The following SLC25A26 variants were observed in gnomAD, a reference collection of about 807,000 sequenced individuals.
SLC25A26 encodes the protein solute carrier family 25 member 26.
SLC25A26 carries 36 observed loss-of-function variants against 37.8 expected under a neutral mutation model. The ratio of observed to expected loss-of-function variants is 0.95; its 90% confidence interval spans 0.73 to 1.26. The LOEUF (loss-of-function observed/expected upper bound fraction) is 1.26, where lower values mean the gene tolerates loss of function less well. Among genes scored for constraint, SLC25A26 ranks in the 50% most tolerant of loss-of-function variants. The pLI, the probability that SLC25A26 is intolerant of heterozygous loss-of-function variation, is 0.00. For synonymous variants in SLC25A26, 129 were observed against 122.5 expected, an observed-to-expected ratio of 1.05 and a Z score of -0.35; for missense variants, 390 against 331.1, an observed-to-expected ratio of 1.18 and a Z score of -1.38.
intron 3 of SLC25A26, among the ~76,000 whole-genome samples, chr3:66,245,367 A>G (rs574353135): frequency 6.6e-6 from 1 of 152,124 alleles, no homozygotes; most frequent in Admixed American, 6.5e-5. Flanking sequence ...CTTCTGCACA[A>G]TGCTGAGGGA....
intron 1 of SLC25A26, among the ~76,000 whole-genome samples, chr3:66,187,990 A>C (rs2070863178): frequency 1.3e-5 from 2 of 151,970 alleles, no homozygotes; most frequent in Non-Finnish European, 2.9e-5. Context: ...GCTGACTATG[A>C]CCCTCCTCAC....
At chr3:66,269,156 C>T (rs907964311) in intron 5 of SLC25A26, among the ~76,000 whole-genome samples, 1 of 152,186 alleles carries the variant, frequency 6.6e-6, no homozygotes, top group Non-Finnish European at 1.5e-5. Context: ...CTCGTTGATA[C>T]CTTTATACCT....
chr3:66,172,410 G>GAAAAAAAAAA (rs1199322248), intron 1 of SLC25A26, among the ~76,000 whole-genome samples: 10,607 of 74,762 alleles, frequency 0.14, 1,547 homozygotes, highest in Non-Finnish European at 0.19. Context: ...TACCTGTAAA[G>GAAAAAAAAAA]AAAAAAAAAA....
chr3:66,227,060 A>G (rs1553661012), intron 1 of SLC25A26, among the ~76,000 whole-genome samples: 1 of 152,228 alleles, frequency 6.6e-6, no homozygotes, highest in African/African-American at 2.4e-5. Flanking sequence ...GCAAGTTGTC[A>G]TACTGCTTTC....
intron 1 of SLC25A26, among the ~76,000 whole-genome samples, chr3:66,234,674 G>C (rs1233837367): frequency 6.6e-6 from 1 of 152,154 alleles, no homozygotes; most frequent in Non-Finnish European, 1.5e-5. Context: ...GTTAACTCCT[G>C]GGATGGTTTT....
chr3:66,255,125 T>C (rs979342810), intron 3 of SLC25A26, among the ~76,000 whole-genome samples: 2 of 152,188 alleles, frequency 1.3e-5, no homozygotes, highest in African/African-American at 2.4e-5. Flanking sequence ...AGTTTTATGA[T>C]TTGTAGTCTT....
chr3:66,172,151 C>G (rs970985810), intron 1 of SLC25A26, among the ~76,000 whole-genome samples: 3 of 152,000 alleles, frequency 2.0e-5, no homozygotes, highest in Non-Finnish European at 4.4e-5. Flanking sequence ...CAGTTCACAC[C>G]TGTAATCTTA....
At chr3:66,165,808 A>C (rs764572046) in intron 1 of SLC25A26, among the ~76,000 whole-genome samples, 2 of 152,142 alleles carry the variant, frequency 1.3e-5, no homozygotes. Flanking sequence ...GAAAAAATCC[A>C]TAGTGCCTGG....
chr3:66,148,840 G>A (rs2070157695), intron 1 of SLC25A26, among the ~76,000 whole-genome samples: 1 of 152,156 alleles, frequency 6.6e-6, no homozygotes, highest in Non-Finnish European at 1.5e-5. Flanking sequence ...TTACAAGCAT[G>A]AGCCACTGTG....
intron 1 of SLC25A26, among the ~76,000 whole-genome samples, chr3:66,142,397 G>T (rs2070048872): frequency 6.6e-6 from 1 of 152,208 alleles, no homozygotes; most frequent in Non-Finnish European, 1.5e-5. Context: ...GAAGCAGGAA[G>T]TTCTCTCTGA....
intron 5 of SLC25A26, among the ~76,000 whole-genome samples, chr3:66,281,343 G>A (rs1407318563): frequency 1.3e-5 from 2 of 152,074 alleles, no homozygotes; most frequent in Admixed American, 6.6e-5. Flanking sequence ...CAATCTATGC[G>A]GTAATATTTT....
At chr3:66,172,746 T>C (rs2070519692) in intron 1 of SLC25A26, among the ~76,000 whole-genome samples, 1 of 152,210 alleles carries the variant, frequency 6.6e-6, no homozygotes, top group South Asian at 2.1e-4. Context: ...TCTGGTAGTT[T>C]GCTGGCAATT....
At chr3:66,164,681 A>G (rs1315093980) in intron 1 of SLC25A26, among the ~76,000 whole-genome samples, 1 of 152,242 alleles carries the variant, frequency 6.6e-6, no homozygotes, top group Non-Finnish European at 1.5e-5. Flanking sequence ...TGTGTTGCAC[A>G]TTCTTCTTCT....
At chr3:66,331,337 G>A (rs1017752503) in intron 5 of SLC25A26, among the ~76,000 whole-genome samples, 15 of 152,018 alleles carry the variant, frequency 9.9e-5, no homozygotes, top group African/African-American at 3.4e-4. Context: ...TTTAACTGCT[G>A]TATTTTAGTT....
chr3:66,348,895 C>G (rs1234809208), intron 6 of SLC25A26, among the ~76,000 whole-genome samples: 1 of 152,142 alleles, frequency 6.6e-6, no homozygotes, highest in Non-Finnish European at 1.5e-5. Flanking sequence ...AGGTCACGTT[C>G]CATTAGTATA....
At chr3:66,150,629 T>C (rs1416906423) in intron 1 of SLC25A26, among the ~76,000 whole-genome samples, 15 of 83,676 alleles carry the variant, frequency 1.8e-4, no homozygotes, top group Admixed American at 3.8e-4. Flanking sequence ...TATATATATA[T>C]ATATATATAT....
At chr3:66,249,707 C>T (rs1161337712) in intron 3 of SLC25A26, among the ~76,000 whole-genome samples, 1 of 152,144 alleles carries the variant, frequency 6.6e-6, no homozygotes. Flanking sequence ...AATATTTTGC[C>T]ACATCTCTGC....
In SLC25A26 at chr3:66,377,990, G is replaced by A; in HGVS notation, c.*183G>A. 1 of 546,778 alleles carries A rather than the reference G, an allele frequency of 1.8e-6. No homozygotes were observed. The highest frequency in any genetic ancestry group is 2.8e-5 in the East Asian group (1 of 35,258). 33.9% of individuals were successfully genotyped at this position (546,778 alleles called of 1,614,324 possible). On this transcript the variant is annotated 3_prime_UTR_variant, in exon 10 of 10. Transcript: ENST00000354883. ...CTGGTATGAAGTCATTGGCCTGTATGCCAGAGAGCTAAGAGAAGAAAACGG... is the reference window on the plus strand; with the variant it reads ...CTGGTATGAAGTCATTGGCCTGTATACCAGAGAGCTAAGAGAAGAAAACGG...
At chr3:66,194,760 C>T (rs904916809) in intron 1 of SLC25A26, among the ~76,000 whole-genome samples, 1 of 152,228 alleles carries the variant, frequency 6.6e-6, no homozygotes, top group Admixed American at 6.5e-5. Flanking sequence ...CGCCACCACG[C>T]CCAGCTAATT....
Sources: allele counts gnomAD v4.1 joint callset (sites outside exome capture counted in the v4.1 genomes callset), GRCh38; gene constraint gnomAD v4.1.1; transcripts MANE v1.5; gene names NCBI Gene and HGNC (gene_info 2026-07-23, HGNC 2026-07-21).